NALF1: variants seen among roughly 807,000 people sequenced by gnomAD.
NALF1 encodes NALCN channel auxiliary factor 1.
NALF1 carries 3 observed loss-of-function variants against 48.4 expected under a neutral mutation model. The observed-to-expected ratio is 0.06, with a 90% CI of 0.03 to 0.16. NALF1 has a LOEUF of 0.16. Among genes scored for constraint, NALF1 ranks in the 10% least tolerant of loss-of-function variants. The pLI, the probability that NALF1 is intolerant of heterozygous loss-of-function variation, is 1.00. For synonymous variants in NALF1, 262 were observed against 245.7 expected (o/e 1.07, Z -0.62); for missense variants, 526 against 571.5 (o/e 0.92, Z 0.81).
chr13:107,170,699 G>T lies in NALF1; in HGVS notation c.1175C>A (p.Thr392Asn). 1 of 1,614,130 alleles carries T rather than the reference G, an allele frequency of 6.2e-7. No homozygotes were observed. The highest frequency in any genetic ancestry group is 8.5e-7 in the Non-Finnish European group (1 of 1,180,020). Residue 392 changes from threonine to asparagine, a missense_variant, in exon 3 of 3, where the codon ACC becomes AAC. This residue lies in a region of NALF1 where 153 missense variants were observed against 215.9 expected (regional missense o/e 0.71). Coordinates refer to ENST00000375915, the MANE Select transcript of NALF1 (RefSeq NM_001080396.3). ...GTGACAGGAGCCACTTTTCTCTACGGTCCCTTTGGATGGGTTATTTGATTT... is the reference window on the plus strand; with the variant it reads ...GTGACAGGAGCCACTTTTCTCTACGTTCCCTTTGGATGGGTTATTTGATTT... ...EEKSNNPSKG[T>N]VEKSGSCHRT... is the part of the protein sequence containing the mutation.
chr13:107,373,875 C>G (rs138406548), intron 1 of NALF1, among the ~76,000 whole-genome samples: 17 of 152,224 alleles, frequency 1.1e-4, no homozygotes, highest in African/African-American at 3.9e-4. Context: ...AAGAATCTAC[C>G]TTCTTTAGAG....
chr13:107,444,774 A>T (rs1180135942), intron 1 of NALF1, among the ~76,000 whole-genome samples: 1 of 152,166 alleles, frequency 6.6e-6, no homozygotes, highest in African/African-American at 2.4e-5. Context: ...TTTTATTTTT[A>T]GTACTTAACT....
intron 1 of NALF1, among the ~76,000 whole-genome samples, chr13:107,767,133 T>G (rs1056234499): frequency 1.3e-5 from 2 of 152,164 alleles, no homozygotes; most frequent in Non-Finnish European, 2.9e-5. Context: ...CATGGTGTGT[T>G]TCCCTCACAA....
chr13:107,551,586 T>C (rs994648582), intron 1 of NALF1, among the ~76,000 whole-genome samples: 2 of 152,160 alleles, frequency 1.3e-5, no homozygotes, highest in Non-Finnish European at 2.9e-5. Context: ...GCCCCTACTA[T>C]TATTTTTTCA....
chr13:107,601,544 T>C (rs910857668), intron 1 of NALF1, among the ~76,000 whole-genome samples: 6 of 152,196 alleles, frequency 3.9e-5, no homozygotes, highest in Non-Finnish European at 7.4e-5. Flanking sequence ...CAGGAGGCTT[T>C]GTTTGTATTT....
chr13:107,272,837 A>G (rs928228017), intron 1 of NALF1, among the ~76,000 whole-genome samples: 1 of 152,230 alleles, frequency 6.6e-6, no homozygotes, highest in Non-Finnish European at 1.5e-5. Flanking sequence ...AAATGTCAAC[A>G]CATTTGTTAA....
chr13:107,314,207 C>T (rs903905813), intron 1 of NALF1, among the ~76,000 whole-genome samples: 1 of 152,148 alleles, frequency 6.6e-6, no homozygotes, highest in Non-Finnish European at 1.5e-5. Context: ...CTGCAAAGGC[C>T]ATCGGCATCC....
chr13:107,407,819 T>C (rs1883925440), intron 1 of NALF1, among the ~76,000 whole-genome samples: 1 of 152,102 alleles, frequency 6.6e-6, no homozygotes, highest in South Asian at 2.1e-4. Context: ...TGCAGCACTA[T>C]TCACAATAGC....
chr13:107,211,406 T>A (rs2138805405), intron 1 of NALF1, among the ~76,000 whole-genome samples: 1 of 152,306 alleles, frequency 6.6e-6, no homozygotes, highest in Non-Finnish European at 1.5e-5. Flanking sequence ...GAGGGAAGCC[T>A]CATCAGAGCC....
chr13:107,810,481 T>G (rs73587727), intron 1 of NALF1, among the ~76,000 whole-genome samples: 5,369 of 152,206 alleles, frequency 0.035, 336 homozygotes, highest in African/African-American at 0.12. Context: ...AGATAAGCCC[T>G]AAGTCTATAC....
intron 1 of NALF1, among the ~76,000 whole-genome samples, chr13:107,242,326 C>T (rs1880487782): frequency 6.6e-6 from 1 of 152,164 alleles, no homozygotes; most frequent in African/African-American, 2.4e-5. Context: ...AGGAGGAGGC[C>T]TCATGCTGGG....
chr13:107,383,058 G>C (rs1034249225), intron 1 of NALF1, among the ~76,000 whole-genome samples: 1 of 152,118 alleles, frequency 6.6e-6, no homozygotes, highest in African/African-American at 2.4e-5. Context: ...GATTTCCTAG[G>C]GGTTTAAATA....
chr13:107,818,927 T>G (rs186082212), intron 1 of NALF1, among the ~76,000 whole-genome samples: 11 of 145,088 alleles, frequency 7.6e-5, no homozygotes, highest in African/African-American at 2.5e-4. Context: ...ACTTCCAGTG[T>G]GAGGGTGAAA....
At chr13:107,354,590 T>C (rs1882930244) in intron 1 of NALF1, among the ~76,000 whole-genome samples, 2 of 152,202 alleles carry the variant, frequency 1.3e-5, no homozygotes, top group Non-Finnish European at 2.9e-5. Flanking sequence ...ATTACAATTC[T>C]ATTTTAATGA....
At chr13:107,402,190 C>T (rs1366813059) in intron 1 of NALF1, among the ~76,000 whole-genome samples, 1 of 152,204 alleles carries the variant, frequency 6.6e-6, no homozygotes, top group Non-Finnish European at 1.5e-5. Flanking sequence ...AGACTCTCTC[C>T]TTTGCTGGCT....
At chr13:107,681,721 AG>A (rs1881309064) in intron 1 of NALF1, among the ~76,000 whole-genome samples, 1 of 152,120 alleles carries the variant, frequency 6.6e-6, no homozygotes, top group African/African-American at 2.4e-5. Context: ...GCAGGTGCCT[AG>A]GGGAGGCCAT....
chr13:107,426,966 C>T (rs531322728), intron 1 of NALF1, among the ~76,000 whole-genome samples: 49 of 151,858 alleles, frequency 3.2e-4, no homozygotes, highest in African/African-American at 1.2e-3. Flanking sequence ...TAATATTGGT[C>T]ATCTTATATT....
intron 1 of NALF1, among the ~76,000 whole-genome samples, chr13:107,558,839 C>T (rs114224924): frequency 1.6e-3 from 247 of 152,294 alleles, no homozygotes; most frequent in African/African-American, 5.4e-3. Context: ...AGAGGAAGAG[C>T]GAGCTCTCTT....
At chr13:107,213,778 G>A (rs1181776404) in intron 1 of NALF1, among the ~76,000 whole-genome samples, 3 of 152,318 alleles carry the variant, frequency 2.0e-5, no homozygotes, top group South Asian at 2.1e-4. Context: ...ATGATTACTT[G>A]AAAAGTGAAA....
Sources: gnomAD v4.1 joint callset for allele counts (sites outside exome capture counted in the v4.1 genomes callset) on GRCh38, gnomAD v4.1.1 for gene constraint, gnomAD v4.1.1 regional missense constraint, MANE v1.5 for transcripts, NCBI Gene and HGNC (gene_info 2026-07-23, HGNC 2026-07-21) for gene names.